The following CNTNAP4 variants were observed in gnomAD, a reference collection of about 807,000 sequenced individuals.
CNTNAP4 encodes the protein contactin-associated protein-like 4.
Under a neutral mutation model 148.4 loss-of-function variants are expected in CNTNAP4, and 98 were observed. The ratio of observed to expected loss-of-function variants is 0.66; its 90% CI spans 0.56 to 0.78. The LOEUF (loss-of-function observed/expected upper bound fraction) is 0.78, where lower values mean the gene tolerates loss of function less well. CNTNAP4 is among the 30% of genes least tolerant of loss of function. The probability of loss-of-function intolerance (pLI) is 0.00; values close to 1 mark genes in which losing one functional copy is unlikely to be tolerated. For missense variants in CNTNAP4, 1,935 were observed against 1,565.6 expected (o/e 1.24, Z -3.98); for synonymous variants, 730 against 565.1 (o/e 1.29, Z -4.14).
chr16:76,397,937 A>ATT (rs1357138550), intron 3 of CNTNAP4, among the ~76,000 whole-genome samples: 1 of 73,234 alleles, frequency 1.4e-5, no homozygotes, highest in Non-Finnish European at 2.6e-5. Flanking sequence ...GAACTAATAG[A>ATT]TTATATACAT....
intron 9 of CNTNAP4, among the ~76,000 whole-genome samples, chr16:76,462,555 C>T (rs1016674286): frequency 2.0e-5 from 3 of 152,172 alleles, no homozygotes; most frequent in African/African-American, 7.2e-5. Context: ...TAATCAGCCC[C>T]AGCAACCTCT....
chr16:76,285,912 A>G (rs1958861756), intron 1 of CNTNAP4, among the ~76,000 whole-genome samples: 1 of 151,938 alleles, frequency 6.6e-6, no homozygotes, highest in Non-Finnish European at 1.5e-5. Context: ...TTTCCCATCA[A>G]TATAAAGCAA....
intron 2 of CNTNAP4, among the ~76,000 whole-genome samples, chr16:76,334,288 C>T (rs1180196178): frequency 6.6e-6 from 1 of 151,788 alleles, no homozygotes; most frequent in Non-Finnish European, 1.5e-5. Context: ...CAAAGATTTC[C>T]TTAGAAACTA....
intron 17 of CNTNAP4, among the ~76,000 whole-genome samples, chr16:76,535,184 C>A (rs773220619): frequency 6.6e-6 from 1 of 152,076 alleles, no homozygotes; most frequent in Admixed American, 6.6e-5. Context: ...AAGGACAAAC[C>A]ACACTTACCC....
chr16:76,403,755 A>AT (rs1446417888), intron 3 of CNTNAP4, among the ~76,000 whole-genome samples: 6 of 152,212 alleles, frequency 3.9e-5, no homozygotes, highest in Non-Finnish European at 8.8e-5. Context: ...GCAAATGTTT[A>AT]TTGCAGCACT....
rs186358495 is a variant in CNTNAP4, at chr16:76,354,219, G to A, written c.197-1099G>A. Among the ~76,000 whole-genome samples the A allele has an allele frequency of 1.4e-4, 22 of 152,202 alleles. No individual in the cohort carries two copies. In the East Asian group the frequency reaches 4.1e-3, roughly 28 times the overall value. Reference sequence around the variant, plus strand: ...TTCGTAACTTTTACAATGATTATATGTTACTTACATAATCAGCAATGTTAA... The same window carrying A: ...TTCGTAACTTTTACAATGATTATATATTACTTACATAATCAGCAATGTTAA... On this transcript the variant is annotated intron_variant, in intron 2 of 23. Coordinates refer to ENST00000611870, the MANE Select transcript of CNTNAP4 (RefSeq NM_033401.5).
At chr16:76,294,329 C>A (rs937329079) in intron 1 of CNTNAP4, among the ~76,000 whole-genome samples, 1 of 152,134 alleles carries the variant, frequency 6.6e-6, no homozygotes, top group Non-Finnish European at 1.5e-5. Flanking sequence ...TGTGTGTTTC[C>A]TCTCATTTCT....
chr16:76,424,893 C>T (rs1161295245), intron 3 of CNTNAP4, among the ~76,000 whole-genome samples: 1 of 152,132 alleles, frequency 6.6e-6, no homozygotes, highest in Non-Finnish European at 1.5e-5. Flanking sequence ...GAAACATTGC[C>T]CTATATCAGC....
intron 1 of CNTNAP4, among the ~76,000 whole-genome samples, chr16:76,286,250 G>A (rs1404456551): frequency 6.7e-6 from 1 of 149,828 alleles, no homozygotes; most frequent in Non-Finnish European, 1.5e-5. Context: ...TTGGAAAACA[G>A]ACCATTTTGG....
At chr16:76,416,577 T>C (rs2078991042) in intron 3 of CNTNAP4, among the ~76,000 whole-genome samples, 1 of 151,422 alleles carries the variant, frequency 6.6e-6, no homozygotes, top group Non-Finnish European at 1.5e-5. Context: ...TAATTTATAG[T>C]TTAATTCCTT....
intron 1 of CNTNAP4, among the ~76,000 whole-genome samples, chr16:76,309,280 T>C (rs1428020070): frequency 6.6e-6 from 1 of 151,968 alleles, no homozygotes; most frequent in Non-Finnish European, 1.5e-5. Flanking sequence ...AGATAAATGA[T>C]GCCCACCCAA....
At chr16:76,468,712 G>C (rs1321068228) in intron 10 of CNTNAP4, among the ~76,000 whole-genome samples, 2 of 151,888 alleles carry the variant, frequency 1.3e-5, no homozygotes, top group Non-Finnish European at 2.9e-5. Flanking sequence ...GCCCACTTCA[G>C]CCTCCCAAAG....
At chr16:76,540,040 A>T (rs925709546) in intron 20 of CNTNAP4, among the ~76,000 whole-genome samples, 188 bp downstream of exon 20, 1 of 152,168 alleles carries the variant, frequency 6.6e-6, no homozygotes, top group Non-Finnish European at 1.5e-5. Context: ...TATTATTAAC[A>T]TCGGATACTT....
At chr16:76,414,744 A>C (rs2078917062) in intron 3 of CNTNAP4, among the ~76,000 whole-genome samples, 1 of 151,390 alleles carries the variant, frequency 6.6e-6, no homozygotes, top group African/African-American at 2.4e-5. Context: ...CTGTTTTGGT[A>C]AGTGGCGATT....
chr16:76,484,958 T>C (rs1460571522), intron 12 of CNTNAP4, among the ~76,000 whole-genome samples: 1 of 152,110 alleles, frequency 6.6e-6, no homozygotes, highest in Non-Finnish European at 1.5e-5. Context: ...CATTATAAGC[T>C]AAAATCTACA....
chr16:76,492,109 G>A (rs1295815381), intron 13 of CNTNAP4, among the ~76,000 whole-genome samples: 1 of 152,134 alleles, frequency 6.6e-6, no homozygotes, highest in East Asian at 1.9e-4. Context: ...CTAGGGAAGG[G>A]GACTGGTGTG....
intron 3 of CNTNAP4, among the ~76,000 whole-genome samples, chr16:76,388,274 G>A (rs181777939): frequency 0.011 from 1,650 of 152,232 alleles, 18 homozygotes; most frequent in Non-Finnish European, 0.019. Flanking sequence ...TGGAGTGCCA[G>A]GAATTCACTC....
intron 17 of CNTNAP4, among the ~76,000 whole-genome samples, chr16:76,531,039 C>G (rs2083963613): frequency 1.3e-5 from 2 of 152,114 alleles, no homozygotes; most frequent in Admixed American, 1.3e-4. Context: ...GCCATAGTGT[C>G]AAAGTCAGGC....
chr16:76,448,734 A>C, intron 5 of CNTNAP4, 33 bp from the exon 6 acceptor site: 1 of 1,509,172 alleles, frequency 6.6e-7, no homozygotes, highest in Non-Finnish European at 8.9e-7. Flanking sequence ...TAGACTGGCA[A>C]TAATGGTGCT....
Sources: gnomAD v4.1 joint callset for allele counts (sites outside exome capture counted in the v4.1 genomes callset) on GRCh38, gnomAD v4.1.1 for gene constraint, MANE v1.5 for transcripts, NCBI Gene and HGNC (gene_info 2026-07-23, HGNC 2026-07-21) for gene names.